The following GPC6 variants were observed in gnomAD, a reference collection of about 807,000 sequenced individuals.
GPC6 encodes the protein glypican 6.
A neutral mutation model predicts 55.2 loss-of-function variants in GPC6; 14 were observed. The ratio of observed to expected loss-of-function variants is 0.25; its 90% CI spans 0.17 to 0.40. GPC6 has a LOEUF of 0.40. GPC6 is among the 10% of genes least tolerant of loss of function. The pLI is 1.00. For missense variants in GPC6, 641 were observed against 708.5 expected (o/e 0.90, Z 1.08); for synonymous variants, 278 against 259.6 (o/e 1.07, Z -0.68).
At chr13:94,401,944 T>TGATTGATA (rs879527236) in intron 8 of GPC6, among the ~76,000 whole-genome samples, 2,783 of 149,822 alleles carry the variant, frequency 0.019, 64 homozygotes, top group African/African-American at 0.047. Context: ...ATTGATTGAT[T>TGATTGATA]GATAGATAGA....
At chr13:93,376,907 T>C (rs1207795527) in intron 1 of GPC6, among the ~76,000 whole-genome samples, 3 of 152,190 alleles carry the variant, frequency 2.0e-5, no homozygotes, top group African/African-American at 4.8e-5. Flanking sequence ...TGAATGCTTA[T>C]ATTAGGAATT....
At chr13:94,118,660 G>A (rs1208159764) in intron 4 of GPC6, among the ~76,000 whole-genome samples, 1 of 151,928 alleles carries the variant, frequency 6.6e-6, no homozygotes, top group African/African-American at 2.4e-5. Flanking sequence ...TTTTAGTCAA[G>A]GTTTCTATTG....
chr13:93,912,551 G>T (rs1410611031), intron 3 of GPC6, among the ~76,000 whole-genome samples: 2 of 152,044 alleles, frequency 1.3e-5, no homozygotes, highest in Admixed American at 6.5e-5. Context: ...AGACCATCCT[G>T]GCTAACACGG....
intron 1 of GPC6, among the ~76,000 whole-genome samples, chr13:93,526,015 AG>A (rs1160452448): frequency 2.0e-5 from 3 of 152,070 alleles, no homozygotes; most frequent in African/African-American, 7.2e-5. Flanking sequence ...GACAATTATT[AG>A]GTAGTTAACA....
At chr13:93,851,749 G>A (rs1218477444) in intron 3 of GPC6, among the ~76,000 whole-genome samples, 3 of 151,742 alleles carry the variant, frequency 2.0e-5, no homozygotes, top group Non-Finnish European at 4.4e-5. Flanking sequence ...GGTGAATCTA[G>A]TATATCAAAT....
intron 3 of GPC6, among the ~76,000 whole-genome samples, chr13:93,961,983 G>A (rs1879797731): frequency 6.6e-6 from 1 of 152,116 alleles, no homozygotes; most frequent in South Asian, 2.1e-4. Context: ...CTATTCCTGA[G>A]GCTGTTCACC....
intron 1 of GPC6, among the ~76,000 whole-genome samples, chr13:93,319,332 A>C (rs1392428509): frequency 1.3e-5 from 2 of 152,158 alleles, no homozygotes; most frequent in African/African-American, 2.4e-5. Flanking sequence ...ACAAGAAATA[A>C]ATAGGCCACA....
intron 4 of GPC6, among the ~76,000 whole-genome samples, chr13:94,044,886 C>A (rs1334165200): frequency 6.6e-6 from 1 of 151,666 alleles, no homozygotes; most frequent in African/African-American, 2.4e-5. Flanking sequence ...TTTAACTGAA[C>A]AAATTAACAC....
At chr13:94,339,144 A>T (rs1335641180) in intron 6 of GPC6, among the ~76,000 whole-genome samples, 1 of 151,968 alleles carries the variant, frequency 6.6e-6, no homozygotes, top group East Asian at 1.9e-4. Flanking sequence ...AGCTCCGTGC[A>T]GCCTCAACCT....
chr13:93,326,209 A>G (rs575298993), intron 1 of GPC6, among the ~76,000 whole-genome samples: 7 of 152,216 alleles, frequency 4.6e-5, no homozygotes, highest in African/African-American at 1.7e-4. Flanking sequence ...GTAGTTTGAG[A>G]GGCTGTGGGG....
intron 1 of GPC6, among the ~76,000 whole-genome samples, chr13:93,243,410 C>T (rs1310435756): frequency 2.0e-5 from 3 of 152,188 alleles, no homozygotes; most frequent in African/African-American, 4.8e-5. Context: ...TGTCTCTAGT[C>T]AGCCATCTAG....
chr13:94,157,297 T>C (rs1340138916), intron 4 of GPC6, among the ~76,000 whole-genome samples: 2 of 152,186 alleles, frequency 1.3e-5, no homozygotes, highest in East Asian at 3.9e-4. Flanking sequence ...AGCCATTTAT[T>C]TTCTAGAGAG....
Position 93,763,660 on chromosome 13 carries a change from G to C in GPC6, c.320-66494G>C, listed in dbSNP as rs118018922. 8.6e-3 allele frequency among the ~76,000 whole-genome samples: 1,315 copies of C among 152,280 alleles called. 14 individuals are homozygous for C. The highest frequency in any genetic ancestry group is 0.016 in the South Asian group (77 of 4,818). On this transcript the variant is annotated intron_variant, in intron 2 of 8. Transcript: ENST00000377047. ...ATTTATCATAGGATATTTCAGCCAA[G>C]ACATCTTCTGATTTCTAAAAAGAAA...
chr13:93,627,568 C>G (rs142779949), intron 2 of GPC6, among the ~76,000 whole-genome samples: 331 of 152,280 alleles, frequency 2.2e-3, no homozygotes, highest in African/African-American at 7.8e-3. Flanking sequence ...CAAGCTACAT[C>G]CCTTCTGATG....
rs115034166 is a variant in GPC6 at position 93,483,704 on chromosome 13, T to C, written c.161-61559T>C. 4.3e-3 allele frequency among the ~76,000 whole-genome samples: 648 copies of C among 152,244 alleles called. 3 individuals carry two copies. The highest frequency in any genetic ancestry group is 0.014 in the African/African-American group (599 of 41,564). Reference sequence around the variant, plus strand: ...AAAATAATGTTTAGTCATATGTGGTTTTATGTTTTAATTAATCATTCGGCA... The same window carrying C: ...AAAATAATGTTTAGTCATATGTGGTCTTATGTTTTAATTAATCATTCGGCA... On this transcript the variant is annotated intron_variant, in intron 1 of 8. Coordinates refer to ENST00000377047, the MANE Select transcript of GPC6 (RefSeq NM_005708.5).
In GPC6 at chr13:93,481,845, GGAGT is replaced by G. The variant is rs1184784505; in HGVS notation, c.161-63413_161-63410del. Among the ~76,000 whole-genome samples the G allele has an allele frequency of 8.5e-5, 13 of 152,222 alleles. 2 individuals are homozygous for G. Among genetic ancestry groups the G allele is most frequent in the African/African-American group, 3.1e-4 (13 of 41,526 alleles). ...ATTTTGTATTAAGACTTGAAATTGA[GGAGT>G]GAGTCCTGCAAATTTGTTCTTTTAC... On this transcript the variant is annotated intron_variant, in intron 1 of 8. Coordinates refer to ENST00000377047, the MANE Select transcript of GPC6 (RefSeq NM_005708.5).
In GPC6 at chr13:93,946,738, G is replaced by C. The variant is rs572689003; in HGVS notation, c.712-80991G>C. Among the ~76,000 whole-genome samples the C allele has an allele frequency of 1.6e-4, 25 of 152,250 alleles. No homozygotes were observed. The South Asian group carries it at 3.7e-3, about 23-fold the overall frequency. On this transcript the variant is annotated intron_variant, in intron 3 of 8. Coordinates refer to ENST00000377047, the MANE Select transcript of GPC6 (RefSeq NM_005708.5). The stretch of plus-strand genomic sequence containing the variant: ...TATCAACCCCAAGCTCATCCATTCT[G>C]CTGGGCAGCTAGGGCATCAGTCTAA...
intron 1 of GPC6, among the ~76,000 whole-genome samples, chr13:93,312,686 G>A (rs764812927): frequency 2.0e-5 from 3 of 152,092 alleles, no homozygotes; most frequent in Non-Finnish European, 2.9e-5. Context: ...TGTTCATTGC[G>A]AATAGCATGG....
intron 2 of GPC6, among the ~76,000 whole-genome samples, chr13:93,603,921 A>G (rs953029464): frequency 2.6e-5 from 4 of 152,230 alleles, no homozygotes; most frequent in African/African-American, 4.8e-5. Flanking sequence ...AGTGATAACA[A>G]AAATCATTAC....
Sources: gnomAD v4.1 joint callset for allele counts (sites outside exome capture counted in the v4.1 genomes callset) on GRCh38, gnomAD v4.1.1 for gene constraint, MANE v1.5 for transcripts, NCBI Gene and HGNC (gene_info 2026-07-23, HGNC 2026-07-21) for gene names.